The following GSE1 variants were observed in gnomAD, a reference collection of about 807,000 sequenced individuals.
GSE1 encodes the protein Gse1 coiled-coil protein.
GSE1 carries 32 observed loss-of-function variants against 112.6 expected under a neutral mutation model. The observed-to-expected ratio is 0.28, with a 90% confidence interval of 0.21 to 0.38. The LOEUF (loss-of-function observed/expected upper bound fraction) is 0.38. GSE1 is among the 10% of genes least tolerant of loss of function. GSE1 has a pLI of 1.00. For synonymous variants in GSE1, 1,115 were observed against 735.6 expected, an observed-to-expected ratio of 1.52 and a Z score of -8.35; for missense variants, 2,348 against 1,699.2, an observed-to-expected ratio of 1.38 and a Z score of -6.71.
intron 2 of GSE1, among the ~76,000 whole-genome samples, chr16:85,433,368 A>G (rs1175505550): frequency 6.6e-6 from 1 of 152,134 alleles, no homozygotes; most frequent in Non-Finnish European, 1.5e-5. Context: ...TTTGACTTCA[A>G]TCCTTTACTT....
At chr16:85,462,456 C>G (rs755827924) in intron 2 of GSE1, among the ~76,000 whole-genome samples, 1 of 151,894 alleles carries the variant, frequency 6.6e-6, no homozygotes, top group Non-Finnish European at 1.5e-5. Context: ...AAAGAAAATG[C>G]GCCAGTGCCC....
chr16:85,198,788 T>C (rs937928369), intron 1 of GSE1, among the ~76,000 whole-genome samples: 2 of 152,122 alleles, frequency 1.3e-5, no homozygotes, highest in Non-Finnish European at 2.9e-5. Context: ...GTTCCTTCTT[T>C]TTTATTTCGA....
At chr16:85,352,660 C>T (rs937153436) in intron 1 of GSE1, among the ~76,000 whole-genome samples, 1 of 152,200 alleles carries the variant, frequency 6.6e-6, no homozygotes, top group African/African-American at 2.4e-5. Context: ...GGGCCCTTTG[C>T]CTCTGTTTGA....
intron 2 of GSE1, among the ~76,000 whole-genome samples, chr16:85,634,622 C>T (rs1393904267): frequency 1.3e-5 from 2 of 152,222 alleles, no homozygotes; most frequent in South Asian, 4.2e-4. Context: ...CACCACTGCT[C>T]AACTCCCTGA....
chr16:85,585,737 G>A (rs891854402), intron 1 of GSE1, among the ~76,000 whole-genome samples: 1 of 152,222 alleles, frequency 6.6e-6, no homozygotes, highest in African/African-American at 2.4e-5. Flanking sequence ...TTATAGAGCT[G>A]ACGGCGATGA....
At chr16:85,525,171 C>T (rs1380654054) in intron 2 of GSE1, among the ~76,000 whole-genome samples, 3 of 152,106 alleles carry the variant, frequency 2.0e-5, no homozygotes, top group Admixed American at 6.5e-5. Flanking sequence ...CTGGCCGGCC[C>T]AGTGGTTTCA....
rs1423831361 is a variant in GSE1 at position 85,633,896 on chromosome 16, C to A, written c.8-18C>A. 1 of 1,598,932 alleles carries A rather than the reference C, an allele frequency of 6.3e-7. No individual in the cohort carries two copies. On this transcript the variant is annotated intron_variant, in intron 1 of 15. Coordinates refer to ENST00000253458, the MANE Select transcript of GSE1 (RefSeq NM_014615.5). ...CCTGCTCTCTGGGTGACCTCTGGTT[C>A]TTCTTTTCCTGTTTCAGGCATGAGC...
At chr16:85,463,122 C>A in intron 2 of GSE1, 1 of 984,950 alleles carries the variant, frequency 1.0e-6, no homozygotes, top group Non-Finnish European at 1.2e-6. Context: ...GCTCCAGAAC[C>A]TCAGTAAGTG....
At chr16:85,622,891 G>A (rs2048830852) in intron 1 of GSE1, among the ~76,000 whole-genome samples, 1 of 152,220 alleles carries the variant, frequency 6.6e-6, no homozygotes, top group Non-Finnish European at 1.5e-5. Context: ...CTGCCGCAGG[G>A]CTGTTAGTTG....
chr16:85,541,074 A>G (rs1415658474), intron 2 of GSE1, among the ~76,000 whole-genome samples: 1 of 151,748 alleles, frequency 6.6e-6, no homozygotes, highest in African/African-American at 2.4e-5. Context: ...CTCGACAGGG[A>G]GAATGGTGGG....
chr16:85,549,537 A>C (rs1267222178), intron 2 of GSE1, among the ~76,000 whole-genome samples: 1 of 152,196 alleles, frequency 6.6e-6, no homozygotes, highest in Non-Finnish European at 1.5e-5. Flanking sequence ...CAGGCTGGGG[A>C]TGCCTCGGTC....
chr16:85,563,830 C>T (rs888955059), intron 1 of GSE1, among the ~76,000 whole-genome samples: 2 of 152,242 alleles, frequency 1.3e-5, no homozygotes, highest in Admixed American at 6.5e-5. Flanking sequence ...TCGTGGTCAC[C>T]TCAGGCTGGG....
At chr16:85,349,793 T>C (rs2046817003) in intron 1 of GSE1, among the ~76,000 whole-genome samples, 1 of 152,196 alleles carries the variant, frequency 6.6e-6, no homozygotes, top group African/African-American at 2.4e-5. Context: ...TGCTTTGCTC[T>C]TGAGATAAAT....
upstream of GSE1, among the ~76,000 whole-genome samples, chr16:85,610,897 C>T (rs2047940768): frequency 6.6e-6 from 1 of 152,216 alleles, no homozygotes. Flanking sequence ...ATGTATACGC[C>T]GGAGGGATTG....
intron 2 of GSE1, among the ~76,000 whole-genome samples, chr16:85,645,354 T>G (rs2151846228): frequency 1.3e-5 from 2 of 152,094 alleles, no homozygotes; most frequent in East Asian, 3.9e-4. Context: ...TGGGCCGCTC[T>G]GGGGCGTGGC....
At chr16:85,260,975 C>T (rs1907626501) in intron 1 of GSE1, among the ~76,000 whole-genome samples, 1 of 152,230 alleles carries the variant, frequency 6.6e-6, no homozygotes, top group African/African-American at 2.4e-5. Flanking sequence ...AAGGCCCGGC[C>T]TGGCATCTTG....
At chr16:85,628,669 G>A (rs746087669) in intron 1 of GSE1, among the ~76,000 whole-genome samples, 13 of 152,168 alleles carry the variant, frequency 8.5e-5, no homozygotes, top group African/African-American at 1.4e-4. Context: ...TGCTGACTTC[G>A]TGCCGTCGAG....
At chr16:85,284,177 C>T (rs1008153411) in intron 1 of GSE1, among the ~76,000 whole-genome samples, 8 of 152,070 alleles carry the variant, frequency 5.3e-5, no homozygotes, top group East Asian at 3.9e-4. Context: ...GTCGGGAGGC[C>T]GGGAGAATTG....
chr16:85,625,858 C>T lies in GSE1; in HGVS notation c.8-8056C>T, dbSNP rs187449699. ...GAGGGCAGCGTCTGGGGGCTCCTGCCGTGGCTCAGTGAGCGTGGCAGAGGA... is the reference window on the plus strand; with the variant it reads ...GAGGGCAGCGTCTGGGGGCTCCTGCTGTGGCTCAGTGAGCGTGGCAGAGGA... On this transcript the variant is annotated intron_variant, in intron 1 of 15. Transcript: ENST00000253458. Among the ~76,000 whole-genome samples the T allele has an allele frequency of 4.5e-3, 682 of 152,198 alleles. 6 individuals are homozygous for T. Among genetic ancestry groups the T allele is most frequent in the Admixed American group, 6.9e-3 (105 of 15,296 alleles).
Sources: allele counts gnomAD v4.1 joint callset (sites outside exome capture counted in the v4.1 genomes callset), GRCh38; gene constraint gnomAD v4.1.1; transcripts MANE v1.5; gene names NCBI Gene and HGNC (gene_info 2026-07-23, HGNC 2026-07-21).